The following EEF2K variants were observed in gnomAD, a reference collection of about 807,000 sequenced individuals.
EEF2K encodes the protein alternative protein EEF2K.
In EEF2K, 70 loss-of-function variants were observed where a neutral mutation model predicts 93.8. The ratio of observed to expected loss-of-function variants is 0.75; its 90% confidence interval spans 0.62 to 0.91. The LOEUF (loss-of-function observed/expected upper bound fraction) is 0.91, where lower values mean the gene tolerates loss of function less well. Ranked by LOEUF, EEF2K falls within the 40% of genes least tolerant of loss-of-function variation. The pLI is 0.00. For missense variants in EEF2K, 935 were observed against 972.9 expected (o/e 0.96, Z 0.52); for synonymous variants, 376 against 380.8 (o/e 0.99, Z 0.15).
At position 22,258,710 on chromosome 16, in the gene EEF2K, G is replaced by T. The variant is rs746798941; in HGVS notation, c.1231+15G>T. On this transcript the variant is annotated intron_variant, in intron 10 of 17. Transcript: ENST00000263026. ...AGACCACCTCCGTGAGTGACGGTTCGGTCCCTAGTCACTGTGATTGGAGGG... is the reference window on the plus strand; with the variant it reads ...AGACCACCTCCGTGAGTGACGGTTCTGTCCCTAGTCACTGTGATTGGAGGG... The T allele has an allele frequency of 3.1e-6, 5 of 1,613,906 alleles. No individual in the cohort carries two copies. The highest frequency in any genetic ancestry group is 4.2e-6 in the Non-Finnish European group (5 of 1,180,014).
intron 6 of EEF2K, among the ~76,000 whole-genome samples, chr16:22,252,359 C>T (rs950112821): frequency 1.3e-5 from 2 of 152,210 alleles, no homozygotes; most frequent in African/African-American, 4.8e-5. Flanking sequence ...CATTCTCAGG[C>T]AGCCTCTGCA....
In EEF2K at chr16:22,266,343, C is replaced by T. The variant is rs751787561; in HGVS notation, c.1441-47C>T. 8.9e-6 allele frequency: 14 copies of T among 1,573,206 alleles called. No homozygotes were observed. The African/African-American group carries it at 9.5e-5, about 11-fold the overall frequency. ...GGGGCTGCTGACAGCTGTGATGCTG[C>T]GTCCACCCCCAGCCCCTCGCTTCCC... is the stretch of plus-strand genomic sequence containing the variant. On this transcript the variant is annotated intron_variant, in intron 13 of 17. Coordinates refer to ENST00000263026, the MANE Select transcript of EEF2K (RefSeq NM_013302.5).
At chr16:22,258,813 C>G in intron 10 of EEF2K, 118 bp downstream of exon 10, 5 of 1,385,820 alleles carry the variant, frequency 3.6e-6, no homozygotes, top group Non-Finnish European at 4.9e-6. Flanking sequence ...GTTCATGGCC[C>G]CAGTGGTTTT....
At chr16:22,247,893 G>A (rs2047311287) in intron 3 of EEF2K, among the ~76,000 whole-genome samples, 1 of 151,996 alleles carries the variant, frequency 6.6e-6, no homozygotes, top group Non-Finnish European at 1.5e-5. Flanking sequence ...GTTACTTCTC[G>A]GGAGATGTGC....
chr16:22,278,348 A>G (rs930683780), intron 16 of EEF2K, among the ~76,000 whole-genome samples: 3 of 152,168 alleles, frequency 2.0e-5, no homozygotes, highest in African/African-American at 7.2e-5. Context: ...AACTCCTAAT[A>G]CCTCACAATG....
chr16:22,245,875 A>G (rs1430990139), intron 3 of EEF2K, among the ~76,000 whole-genome samples: 1 of 152,164 alleles, frequency 6.6e-6, no homozygotes, highest in Non-Finnish European at 1.5e-5. Context: ...ACCCACAAGC[A>G]AGTAATCAGC....
intron 2 of EEF2K, among the ~76,000 whole-genome samples, chr16:22,243,922 CAAAAAAAAAA>C (rs1011054825): frequency 8.1e-5 from 5 of 61,998 alleles, no homozygotes; most frequent in Admixed American, 4.1e-4. Context: ...GACCCTGTCT[CAAAAAAAAAA>C]AAAAAAAAAA....
intron 2 of EEF2K, among the ~76,000 whole-genome samples, chr16:22,234,562 G>A (rs1469711021): frequency 6.6e-6 from 1 of 151,538 alleles, no homozygotes; most frequent in East Asian, 1.9e-4. Context: ...AAAAATTTTA[G>A]CAGTTTTTGG....
At chr16:22,224,128 A>G (rs1473580125) in intron 1 of EEF2K, among the ~76,000 whole-genome samples, 1 of 151,632 alleles carries the variant, frequency 6.6e-6, no homozygotes, top group Non-Finnish European at 1.5e-5. Context: ...AATTGCTTGA[A>G]CTCGGGAGGC....
At position 22,257,340 on chromosome 16, in the gene EEF2K, C is replaced by G; in HGVS notation, c.856C>G (p.Gln286Glu). ...QGVGDLYTDP[Q>E]IHTETGTDFG... ...AGTTGGGGATCTCTACACTGACCCA[C>G]AGATCCACACGGAGACGGGCACTGA... Residue 286 changes from glutamine to glutamate, a missense_variant, in exon 8 of 18, where the codon CAG becomes GAG. Physicochemically the swap from Gln to Glu is conservative, Grantham distance 29 (BLOSUM62 2). Transcript: ENST00000263026. 6.2e-7 allele frequency: 1 copy of G among 1,610,734 alleles called. No homozygotes were observed. The highest frequency in any genetic ancestry group is 2.2e-5 in the East Asian group (1 of 44,694).
intron 2 of EEF2K, among the ~76,000 whole-genome samples, chr16:22,234,877 CTTTTTTTT>C (rs1173052779): frequency 1.1e-5 from 1 of 90,628 alleles, no homozygotes; most frequent in African/African-American, 4.4e-5. Context: ...TTTTTTGTTG[CTTTTTTTT>C]TTTTTTTTTT....
In EEF2K at chr16:22,225,809, C is replaced by G. The variant is rs1263900260; in HGVS notation, c.80C>G (p.Ser27Cys). 1 of 1,614,240 alleles carries G rather than the reference C, an allele frequency of 6.2e-7. No homozygotes were observed. The highest frequency in any genetic ancestry group is 1.7e-5 in the Admixed American group (1 of 60,028). ...CCCCGAGCTGGCCATGATGGTGATT[C>G]TGATGGGGACAGCGACGATGAGGAA... ...QSPRAGHDGD[S>C]DGDSDDEEGY... The change falls in exon 2 of 18, where the codon TCT becomes TGT. Residue 27 changes from serine (S) to cysteine (C), a missense_variant. Ser to Cys is a moderately radical substitution (Grantham distance 112). Coordinates refer to ENST00000263026, the MANE Select transcript of EEF2K (RefSeq NM_013302.5).
chr16:22,256,020 ACTCCTGC>A (rs1370335913), intron 6 of EEF2K, among the ~76,000 whole-genome samples: 1 of 150,786 alleles, frequency 6.6e-6, no homozygotes, highest in African/African-American at 2.4e-5. Context: ...TTAAAGTGAT[ACTCCTGC>A]CTCGACACCC....
chr16:22,269,718 T>C (rs147569640), intron 15 of EEF2K, among the ~76,000 whole-genome samples: 23 of 152,174 alleles, frequency 1.5e-4, no homozygotes, highest in African/African-American at 4.8e-4. Flanking sequence ...ACTAATTATA[T>C]CTTCAAGGAC....
intron 6 of EEF2K, among the ~76,000 whole-genome samples, chr16:22,253,401 C>G (rs2047369777): frequency 6.6e-6 from 1 of 152,192 alleles, no homozygotes; most frequent in African/African-American, 2.4e-5. Context: ...CAGTCCCCAC[C>G]CTGGGGGGCT....
chr16:22,237,731 C>T (rs936036166), intron 2 of EEF2K, among the ~76,000 whole-genome samples: 5 of 152,132 alleles, frequency 3.3e-5, no homozygotes, highest in Non-Finnish European at 5.9e-5. Flanking sequence ...ATGCAAACAA[C>T]ATAGATAAAC....
intron 1 of EEF2K, among the ~76,000 whole-genome samples, chr16:22,217,228 T>TAGATAGATAGATAG (rs1555468299): frequency 7.5e-4 from 102 of 136,098 alleles, no homozygotes; most frequent in South Asian, 4.2e-3. Context: ...GATAGATAGA[T>TAGATAGATAGATAG]AGAGAGAGAG....
chr16:22,251,087 C>A (rs1461564449), intron 5 of EEF2K, 64 bp from the exon 6 acceptor site: 28 of 1,563,294 alleles, frequency 1.8e-5, no homozygotes, highest in Non-Finnish European at 2.3e-5. Flanking sequence ...TCCTGAGGAC[C>A]AGGGCTGTGT....
At chr16:22,268,456 C>T (rs1329517473) in intron 15 of EEF2K, among the ~76,000 whole-genome samples, 3 of 150,640 alleles carry the variant, frequency 2.0e-5, no homozygotes, top group Non-Finnish European at 4.4e-5. Context: ...CAGGTGTGAG[C>T]CACCATGCCG....
Sources: gnomAD v4.1 joint callset for allele counts (sites outside exome capture counted in the v4.1 genomes callset) on GRCh38, gnomAD v4.1.1 for gene constraint, MANE v1.5 for transcripts, NCBI Gene and HGNC (gene_info 2026-07-23, HGNC 2026-07-21) for gene names.